MYO15A: variants seen among roughly 807,000 people sequenced by gnomAD.
The protein encoded by MYO15A is myosin XVA.
MYO15A carries 308 observed loss-of-function variants against 394.6 expected under a neutral mutation model. The ratio of observed to expected loss-of-function variants is 0.78; its 90% CI spans 0.71 to 0.86. The LOEUF (loss-of-function observed/expected upper bound fraction) is 0.86. Ranked by LOEUF, MYO15A falls within the 40% of genes least tolerant of loss-of-function variation. The pLI is 0.00. For synonymous variants in MYO15A, 1,957 were observed against 2,003.8 expected, an observed-to-expected ratio of 0.98 and a Z score of 0.62; for missense variants, 4,606 against 4,799.1, an observed-to-expected ratio of 0.96 and a Z score of 1.19.
chr17:18,141,138 C>T lies in MYO15A; in HGVS notation c.5526C>T (p.Ile1842=), dbSNP rs370047914. The stretch of plus-strand genomic sequence containing the variant: ...TGCGCCTGCCTTTCCAGGGGTTCAT[C>T]GACAGGTATCTTGGTTACGGTAGTT... ...FPVRLPFQGF[I]DRYCCLVALK... Residue 1842 remains isoleucine, a synonymous_variant, in exon 22 of 66, where the codon ATC becomes ATT. Coordinates refer to ENST00000647165, the MANE Select transcript of MYO15A (RefSeq NM_016239.4). 5.2e-5 allele frequency: 84 copies of T among 1,613,662 alleles called. No individual in the cohort carries two copies. In the East Asian group the frequency reaches 5.8e-4, roughly 11 times the overall value.
intron 63 of MYO15A, 71 bp downstream of exon 63, chr17:18,171,842 A>G: frequency 6.4e-6 from 10 of 1,553,544 alleles, no homozygotes; most frequent in Non-Finnish European, 8.7e-6. Context: ...GAGGATGGGT[A>G]TGGAGGCACC....
intron 45 of MYO15A, 23 bp downstream of exon 45, chr17:18,154,778 T>A (rs1597807205): frequency 3.7e-6 from 6 of 1,609,864 alleles, no homozygotes. Context: ...AGAGGAGGGG[T>A]ACTGATGGGG....
intron 50 of MYO15A, 194 bp from the exon 51 acceptor site, chr17:18,157,528 T>A: frequency 8.4e-7 from 1 of 1,197,080 alleles, no homozygotes; most frequent in Non-Finnish European, 1.1e-6. Context: ...TTCCCCTTTA[T>A]GGTCCTGTGG....
chr17:18,154,627 G>T, intron 44 of MYO15A, 53 bp from the exon 45 acceptor site: 1 of 1,579,600 alleles, frequency 6.3e-7, no homozygotes. Flanking sequence ...TCCAGCCTGG[G>T]TCCCAGCTGG....
chr17:18,119,027 C>A lies in MYO15A; in HGVS notation c.227C>A (p.Ala76Asp). The change falls in exon 2 of 66, where the codon GCC becomes GAC. Residue 76 changes from alanine (A) to aspartate (D), a missense_variant. Coordinates refer to ENST00000647165, the MANE Select transcript of MYO15A (RefSeq NM_016239.4). ...GPQKTKRKRK[A>D]RTVLKSTSKL... ...CAGAAGACCAAGCGCAAGAGGAAGGCCCGCACCGTGCTCAAGTCCACGTCA... is the reference window on the plus strand; with the variant it reads ...CAGAAGACCAAGCGCAAGAGGAAGGACCGCACCGTGCTCAAGTCCACGTCA... 1 of 1,612,564 alleles carries A rather than the reference C, an allele frequency of 6.2e-7. No individual in the cohort carries two copies. Among genetic ancestry groups the A allele is most frequent in the Non-Finnish European group, 8.5e-7 (1 of 1,179,864 alleles).
At chr17:18,130,179 G>A (rs757850426) in intron 7 of MYO15A, among the ~76,000 whole-genome samples, 12 of 152,192 alleles carry the variant, frequency 7.9e-5, no homozygotes, top group Admixed American at 5.2e-4. Flanking sequence ...ATGCCCAGCC[G>A]ATGCTATTCC....
chr17:18,120,130 G>A lies in MYO15A; in HGVS notation c.1330G>A (p.Glu444Lys), dbSNP rs752592924. 3 of 1,612,976 alleles carry A rather than the reference G, an allele frequency of 1.9e-6. No homozygotes were observed. The Admixed American group carries it at 5.0e-5, about 27-fold the overall frequency. Residue 444 changes from glutamate to lysine, a missense_variant, in exon 2 of 66, where the codon GAG (glutamate) becomes AAG (lysine). By Grantham distance (56) the Glu-to-Lys change is moderately conservative. Transcript: ENST00000647165. Reference sequence around the variant, plus strand: ...GGAGGAACCAGAGGACGCGGGCGTAGAGCGTCAGGGGACCTCCTTCCGCCT... The same window carrying A: ...GGAGGAACCAGAGGACGCGGGCGTAAAGCGTCAGGGGACCTCCTTCCGCCT... ...ELEEPEDAGV[E>K]RQGTSFRLPS...
chr17:18,131,993 T>C (rs1164137023), intron 10 of MYO15A, among the ~76,000 whole-genome samples: 1 of 152,202 alleles, frequency 6.6e-6, no homozygotes, highest in Non-Finnish European at 1.5e-5. Flanking sequence ...GCTGAGTGTC[T>C]GTCTCCCTAG....
In MYO15A at chr17:18,119,900, C is replaced by T. The variant is rs764932189; in HGVS notation, c.1100C>T (p.Pro367Leu). Residue 367 changes from proline (P) to leucine (L), a missense_variant, in exon 2 of 66, where the codon CCC (proline) becomes CTC (leucine). Pro to Leu is a moderately conservative substitution (Grantham distance 98). This residue lies in a region of MYO15A where 1,830 missense variants were observed against 1,689.7 expected (regional missense o/e 1.08). Transcript: ENST00000647165. ...DLPYHTPYDV[P>L]YFDPYGVHYT... ...CCATACCACACTCCCTACGATGTAC[C>T]CTACTTTGATCCCTACGGAGTCCAC... 3 of 1,613,372 alleles carry T rather than the reference C, an allele frequency of 1.9e-6. No individual in the cohort carries two copies. Among genetic ancestry groups the T allele is most frequent in the Non-Finnish European group, 2.5e-6 (3 of 1,180,006 alleles).
chr17:18,160,094 T>A, intron 56 of MYO15A, 77 bp downstream of exon 56: 1 of 1,385,888 alleles, frequency 7.2e-7, no homozygotes, highest in Non-Finnish European at 1.0e-6. Flanking sequence ...GCCTCCCACC[T>A]CCTCAGGCCT....
rs1462508973 is a variant in MYO15A, at chr17:18,166,382, G to A, written c.9809G>A (p.Ser3270Asn). The A allele has an allele frequency of 6.2e-7, 1 of 1,613,542 alleles. No homozygotes were observed. The highest frequency in any genetic ancestry group is 1.1e-5 in the South Asian group (1 of 91,082). Residue 3270 changes from serine (S) to asparagine (N), a missense_variant, in exon 61 of 66, where the codon AGT becomes AAT. Ser to Asn is a conservative substitution (Grantham distance 46, BLOSUM62 1). Transcript: ENST00000647165. ...GCAGGCCAGCATGTGTGCCCACTCA[G>A]TCGCCGTGCTTACATCCTGGATGTG... is the stretch of plus-strand genomic sequence containing the variant. ...TNRGQHVCPL[S>N]RRAYILDVAS...
Position 18,153,859 on chromosome 17 carries a change from A to G in MYO15A, c.8051A>G (p.Tyr2684Cys), listed in dbSNP as rs1181143893. ...CTCATCAATCCCAACTTCTACGGCT[A>G]TCAGGACGCCCCCTGGAAGATCTTC... ...HRLINPNFYG[Y>C]QDAPWKIFLR... The change falls in exon 43 of 66, where the codon TAT (tyrosine) becomes TGT (cysteine). Residue 2684 changes from tyrosine (Y) to cysteine (C), a missense_variant. Coordinates refer to ENST00000647165, the MANE Select transcript of MYO15A (RefSeq NM_016239.4). The surrounding 1 kb of genome is among the most constrained non-coding windows in gnomAD (Gnocchi z 4.1). The G allele has an allele frequency of 1.2e-6, 2 of 1,613,658 alleles. No homozygotes were observed. Among genetic ancestry groups the G allele is most frequent in the Non-Finnish European group, 1.7e-6 (2 of 1,179,978 alleles).
Position 18,119,345 on chromosome 17 carries a change from G to A in MYO15A, c.545G>A (p.Arg182Gln), listed in dbSNP as rs767009066. The change falls in exon 2 of 66, where the codon CGG becomes CAG. Residue 182 changes from arginine (R) to glutamine (Q), a missense_variant. By Grantham distance (43) the Arg-to-Gln change is conservative (BLOSUM62 1). Around this residue, in one of 2 missense-constraint regions of MYO15A, gnomAD observed 1,830 missense variants for 1,689.7 expected, o/e 1.08. Coordinates refer to ENST00000647165, the MANE Select transcript of MYO15A (RefSeq NM_016239.4). ...TTCCCGTCGGGTGCCGAGATCCTGC[G>A]GCCTGGGGGCCGGCTCCGGAGGTTC... is the stretch of plus-strand genomic sequence containing the variant. Reference protein sequence around the residue: ...LPFPSGAEILRPGGRLRRFPR... With the variant: ...LPFPSGAEILQPGGRLRRFPR... 15 of 1,608,962 alleles carry A rather than the reference G, an allele frequency of 9.3e-6. No homozygotes were observed. Among genetic ancestry groups the A allele is most frequent in the Non-Finnish European group, 1.3e-5 (15 of 1,179,094 alleles).
In MYO15A at chr17:18,150,335, A is replaced by C; in HGVS notation, c.7213-94A>C. Reference sequence around the variant, plus strand: ...GTGGGAGGCTGCCCCCTCCCACGAGAGGGTGGGGAAGAGGCCAGTGTCAGG... The same window carrying C: ...GTGGGAGGCTGCCCCCTCCCACGAGCGGGTGGGGAAGAGGCCAGTGTCAGG... On this transcript the variant is annotated intron_variant, in intron 35 of 65. Transcript: ENST00000647165. This position sits in a 1 kb window ranked among gnomAD's most constrained non-coding sequence, Gnocchi z 4.4. 8.9e-7 allele frequency: 1 copy of C among 1,123,958 alleles called. No individual in the cohort carries two copies. Among genetic ancestry groups the C allele is most frequent in the Non-Finnish European group, 1.3e-6 (1 of 743,036 alleles). The allele number at this position is 1,123,958 out of a possible 1,614,324, so 69.6% of individuals were successfully genotyped here.
In MYO15A at chr17:18,133,278, C is replaced by A. The variant is rs574540945; in HGVS notation, c.4374C>A (p.Leu1458=). 1 of 1,614,164 alleles carries A rather than the reference C, an allele frequency of 6.2e-7. No individual in the cohort carries two copies. Among genetic ancestry groups the A allele is most frequent in the East Asian group, 2.2e-5 (1 of 44,870 alleles). The change falls in exon 12 of 66, where the codon CTC becomes CTA. Residue 1458 remains leucine (L), a synonymous_variant. Transcript: ENST00000647165. ...GKSDADDFRR[L]LAAMEVLGFS... ...GCGATGCAGATGACTTTCGCCGGCT[C>A]CTGGCTGCCATGGAGGTGTTGGGCT... is the stretch of plus-strand genomic sequence containing the variant.
intron 7 of MYO15A, among the ~76,000 whole-genome samples, chr17:18,129,082 A>ATCTG (rs1196617462): frequency 6.6e-6 from 1 of 152,196 alleles, no homozygotes; most frequent in Non-Finnish European, 1.5e-5. Context: ...ATCATCCTCA[A>ATCTG]TCTGTCTCCT....
At position 18,111,341 on chromosome 17, in the gene MYO15A, G is replaced by GAAAA. The variant is rs57095827; in HGVS notation, c.-220+2539_-220+2542dup. Among the ~76,000 whole-genome samples the GAAAA allele has an allele frequency of 1.8e-4, 21 of 118,988 alleles. 1 individual carries two copies. The highest frequency in any genetic ancestry group is 2.2e-4 in the Non-Finnish European group (12 of 53,792). The allele number at this position is 118,988 out of a possible 152,430, so 78.1% of individuals were successfully genotyped here. On this transcript the variant is annotated intron_variant, in intron 1 of 65. Transcript: ENST00000647165. ...TGGAACCAGAGCCTGTCTCAAAAGA[G>GAAAA]AAAAAAAAAAAAAAAAAAAAAAAAA... is the stretch of plus-strand genomic sequence containing the variant.
At chr17:18,115,929 T>TA (rs2045778082) in intron 1 of MYO15A, among the ~76,000 whole-genome samples, 2 of 152,212 alleles carry the variant, frequency 1.3e-5, no homozygotes, top group South Asian at 4.1e-4. Flanking sequence ...CCACGGCACT[T>TA]ACGCCCCATT....
chr17:18,140,835 G>C lies in MYO15A; in HGVS notation c.5406+3G>C. 1.9e-6 allele frequency: 3 copies of C among 1,614,080 alleles called. No individual in the cohort carries two copies. The highest frequency in any genetic ancestry group is 2.5e-6 in the Non-Finnish European group (3 of 1,180,046). On this transcript the variant is annotated splice_donor_region_variant and intron_variant, in intron 21 of 65. Coordinates refer to ENST00000647165, the MANE Select transcript of MYO15A (RefSeq NM_016239.4). ...GCCTGAAGCCCAACCACAAGAAGGT[G>C]AGTGAGAGCTGAGGCCTCTGAGAGA... is the stretch of plus-strand genomic sequence containing the variant.
Sources: allele counts gnomAD v4.1 joint callset (sites outside exome capture counted in the v4.1 genomes callset), GRCh38; gene constraint gnomAD v4.1.1; regional missense constraint gnomAD v4.1.1; non-coding constraint Gnocchi (gnomAD v3.1); transcripts MANE v1.5; gene names NCBI Gene and HGNC (gene_info 2026-07-23, HGNC 2026-07-21).